Variants in POC1B observed in about 807,000 individuals in gnomAD.
POC1B encodes the protein POC1 centriolar protein homolog B.
In POC1B, 44 loss-of-function variants were observed where a neutral mutation model predicts 60.6. The ratio of observed to expected loss-of-function variants is 0.73; its 90% CI spans 0.57 to 0.93. The LOEUF is 0.93. Among genes scored for constraint, POC1B ranks in the 40% least tolerant of loss-of-function variants. POC1B has a pLI of 0.00. For synonymous variants in POC1B, 180 were observed against 198.9 expected (o/e 0.90, Z 0.80); for missense variants, 555 against 572.3 (o/e 0.97, Z 0.31).
intron 2 of POC1B, chr12:89,523,848 G>A (rs761456647): frequency 1.3e-6 from 2 of 1,547,220 alleles, no homozygotes; most frequent in East Asian, 2.2e-5. Context: ...CCAGCCAACC[G>A]GAATTACACT....
At chr12:89,433,628 C>T (rs779359886) in intron 10 of POC1B, among the ~76,000 whole-genome samples, 2 of 152,294 alleles carry the variant, frequency 1.3e-5, no homozygotes, top group Non-Finnish European at 1.5e-5. Flanking sequence ...AAGCAGGAGG[C>T]TTGCTGGATG....
intron 10 of POC1B, among the ~76,000 whole-genome samples, chr12:89,444,700 C>T (rs545914787): frequency 1.3e-5 from 2 of 152,288 alleles, no homozygotes; most frequent in South Asian, 4.1e-4. Flanking sequence ...TGGCACAAGA[C>T]AGGGATGCCC....
In POC1B at chr12:89,420,705, T is replaced by C. The variant is rs1880493835; in HGVS notation, c.*448A>G. ...ACAGAAAGACATACAACTAGTCAGA[T>C]CAATAACTCATTATTGGCATATAGG... On this transcript the variant is annotated 3_prime_UTR_variant, in exon 12 of 12. Coordinates refer to ENST00000313546, the MANE Select transcript of POC1B (RefSeq NM_172240.3). 1 of 154,074 alleles carries C rather than the reference T, an allele frequency of 6.5e-6. No individual in the cohort carries two copies. The highest frequency in any genetic ancestry group is 1.4e-5 in the Non-Finnish European group (1 of 69,290). 9.5% of individuals were successfully genotyped at this position (154,074 alleles called of 1,614,324 possible).
At chr12:89,493,957 C>G (rs540797942) in intron 3 of POC1B, among the ~76,000 whole-genome samples, 39 of 152,304 alleles carry the variant, frequency 2.6e-4, no homozygotes, top group African/African-American at 8.9e-4. Flanking sequence ...TTTACTTGCC[C>G]TTTCAGCTAA....
At chr12:89,513,409 T>A (rs1042461358) in intron 2 of POC1B, among the ~76,000 whole-genome samples, 5 of 152,152 alleles carry the variant, frequency 3.3e-5, no homozygotes, top group Admixed American at 6.5e-5. Flanking sequence ...ACACCACATG[T>A]TACAGGATTG....
chr12:89,470,510 T>G lies in POC1B; in HGVS notation c.677-16A>C. 6.4e-7 allele frequency: 1 copy of G among 1,569,928 alleles called. No individual in the cohort carries two copies. The highest frequency in any genetic ancestry group is 8.7e-7 in the Non-Finnish European group (1 of 1,150,034). On this transcript the variant is annotated splice_polypyrimidine_tract_variant and intron_variant, in intron 6 of 11. Coordinates refer to ENST00000313546, the MANE Select transcript of POC1B (RefSeq NM_172240.3). The stretch of plus-strand genomic sequence containing the variant: ...CCGCTGTGAACTGATTTGTAGAAAA[T>G]AAAAGCAAAAAGTTCAGAGAACAAT...
intron 4 of POC1B, among the ~76,000 whole-genome samples, chr12:89,473,201 A>G (rs2135720024): frequency 6.6e-6 from 1 of 152,342 alleles, no homozygotes; most frequent in South Asian, 2.1e-4. Context: ...AAAGATTACT[A>G]TGAGTCATCA....
intron 9 of POC1B, among the ~76,000 whole-genome samples, chr12:89,463,541 T>C (rs1882558029): frequency 6.6e-6 from 1 of 152,178 alleles, no homozygotes; most frequent in African/African-American, 2.4e-5. Context: ...TGATGTGCTA[T>C]AGCACAACAT....
At chr12:89,413,352 T>C in the POC1B span, among the ~76,000 whole-genome samples, 3 of 152,140 alleles carry the variant, frequency 2.0e-5, no homozygotes, top group African/African-American at 7.2e-5. Flanking sequence ...ACTATAGGAA[T>C]GCACCCAATT....
chr12:89,447,410 A>G (rs1000608767), intron 10 of POC1B, among the ~76,000 whole-genome samples: 3 of 152,080 alleles, frequency 2.0e-5, no homozygotes, highest in Non-Finnish European at 2.9e-5. Flanking sequence ...CATATCTTGA[A>G]TTTTTTCAGT....
chr12:89,500,116 T>C, intron 2 of POC1B: 1 of 1,486,052 alleles, frequency 6.7e-7, no homozygotes, highest in Non-Finnish European at 9.3e-7. Context: ...GTCTGGATCA[T>C]CTCAAAAATG....
At chr12:89,438,818 C>A (rs1881388939) in intron 10 of POC1B, among the ~76,000 whole-genome samples, 1 of 152,220 alleles carries the variant, frequency 6.6e-6, no homozygotes, top group Admixed American at 6.5e-5. Flanking sequence ...ATTCTTCTTT[C>A]CACTCTAGAC....
In POC1B at chr12:89,522,098, A is replaced by G. The variant is rs115922709; in HGVS notation, c.100+3022T>C. 9.9e-3 allele frequency: 3,969 copies of G among 398,998 alleles called. 144 individuals are homozygous for G. Among genetic ancestry groups the G allele is most frequent in the African/African-American group, 0.075 (3,643 of 48,730 alleles). 24.7% of individuals were successfully genotyped at this position (398,998 alleles called of 1,614,324 possible). ...CAGAGAAGACAGCTTACAAAATCAG[A>G]GGAATCTGAGGTATTAATATATACA... On this transcript the variant is annotated intron_variant, in intron 2 of 11. Transcript: ENST00000313546.
intron 10 of POC1B, among the ~76,000 whole-genome samples, chr12:89,434,364 C>A (rs10858850): frequency 0.21 from 31,242 of 152,124 alleles, 3,582 homozygotes; most frequent in Non-Finnish European, 0.25. Context: ...GAAAAGACAG[C>A]TGAGGCTACA....
intron 10 of POC1B, among the ~76,000 whole-genome samples, chr12:89,435,145 C>T (rs1178416445): frequency 1.3e-5 from 2 of 149,552 alleles, no homozygotes; most frequent in African/African-American, 4.9e-5. Flanking sequence ...AGTTGAAAAA[C>T]TGTGGCATAA....
rs544379697 is a variant in POC1B at position 89,421,171 on chromosome 12, A to G, written c.1419T>C (p.Ala473=). 4 of 1,595,326 alleles carry G rather than the reference A, an allele frequency of 2.5e-6. No homozygotes were observed. The Admixed American group carries it at 6.7e-5, about 27-fold the overall frequency. The change falls in exon 12 of 12, where the codon GCT becomes GCC. Residue 473 remains alanine (A), a synonymous_variant. Coordinates refer to ENST00000313546, the MANE Select transcript of POC1B (RefSeq NM_172240.3). ...CLENQQKLFS[A]VQQKS Reference sequence around the variant, plus strand: ...TTTTTATTCAGCTTTTCTGTTGGACAGCACTGAAAAGCTTTTGCTGATTTT... The same window carrying G: ...TTTTTATTCAGCTTTTCTGTTGGACGGCACTGAAAAGCTTTTGCTGATTTT...
At chr12:89,524,260 A>T in intron 2 of POC1B, 1 of 1,613,980 alleles carries the variant, frequency 6.2e-7, no homozygotes, top group East Asian at 2.2e-5. Context: ...GTATCTCTCA[A>T]TGAGTTCTTC....
intron 2 of POC1B, among the ~76,000 whole-genome samples, chr12:89,517,870 G>A (rs1315830580): frequency 6.6e-6 from 1 of 152,066 alleles, no homozygotes; most frequent in African/African-American, 2.4e-5. Flanking sequence ...ACTAAATAAG[G>A]GAGTAGTAAA....
chr12:89,524,059 G>A, intron 2 of POC1B: 5 of 1,613,734 alleles, frequency 3.1e-6, no homozygotes, highest in Non-Finnish European at 4.2e-6. Flanking sequence ...CAAAAGAACT[G>A]CAGGAGAAGT....
Sources: gnomAD v4.1 joint callset for allele counts (sites outside exome capture counted in the v4.1 genomes callset) on GRCh38, gnomAD v4.1.1 for gene constraint, MANE v1.5 for transcripts, NCBI Gene and HGNC (gene_info 2026-07-23, HGNC 2026-07-21) for gene names.